The following GPHN variants were observed in gnomAD, a reference collection of about 807,000 sequenced individuals.
GPHN encodes gephyrin.
In GPHN, 17 loss-of-function variants were observed where a neutral mutation model predicts 95.5. The observed-to-expected ratio is 0.18, with a 90% confidence interval of 0.12 to 0.27. GPHN has a LOEUF of 0.27. Among genes scored for constraint, GPHN ranks in the 10% least tolerant of loss-of-function variants. GPHN has a pLI of 1.00. For missense variants in GPHN, 660 were observed against 978.1 expected (o/e 0.67, Z 4.34); for synonymous variants, 320 against 322.5 (o/e 0.99, Z 0.08).
chr14:67,246,444 A>G, the GPHN span, among the ~76,000 whole-genome samples: 4 of 152,100 alleles, frequency 2.6e-5, no homozygotes, highest in Admixed American at 6.6e-5. Context: ...TCCAGGACTC[A>G]AGCCATCCTC....
intron 1 of GPHN, among the ~76,000 whole-genome samples, chr14:66,646,222 T>C (rs1180504420): frequency 6.6e-6 from 1 of 152,110 alleles, no homozygotes; most frequent in Non-Finnish European, 1.5e-5. Context: ...CTCTAATCAT[T>C]AGGCAAATGC....
intron 11 of GPHN, among the ~76,000 whole-genome samples, chr14:67,061,809 G>A (rs1428679692): frequency 1.3e-5 from 2 of 151,890 alleles, no homozygotes; most frequent in Non-Finnish European, 2.9e-5. Flanking sequence ...ACCATGCCTG[G>A]CCCCTTTGCT....
rs1596238318 is a variant in GPHN, at chr14:66,875,107, A to G, written c.295-4832A>G. On this transcript the variant is annotated intron_variant, in intron 4 of 22. Transcript: ENST00000478722. ...AGAGAGTGGGTGGCCAATATTCAAC[A>G]TTCTTAAAGAAAAGAATTTTCAACT... Among the ~76,000 whole-genome samples, 4 of 152,206 alleles carry G rather than the reference A, an allele frequency of 2.6e-5. No individual in the cohort carries two copies. The East Asian group carries it at 7.7e-4, about 29-fold the overall frequency.
intron 21 of GPHN, among the ~76,000 whole-genome samples, chr14:67,177,288 C>T (rs1567454056): frequency 6.6e-6 from 1 of 152,184 alleles, no homozygotes; most frequent in Non-Finnish European, 1.5e-5. Flanking sequence ...TCTTTGTTCT[C>T]ATTGGTTTCA....
the GPHN span, among the ~76,000 whole-genome samples, chr14:67,327,944 C>G: frequency 6.6e-6 from 1 of 152,112 alleles, no homozygotes; most frequent in African/African-American, 2.4e-5. Context: ...AGTCAATGTA[C>G]GTGTGCATGT....
chr14:67,582,710 G>A, the GPHN span, among the ~76,000 whole-genome samples: 5 of 152,042 alleles, frequency 3.3e-5, no homozygotes, highest in Admixed American at 1.3e-4. The surrounding 1 kb of genome is among the most constrained non-coding windows in gnomAD (Gnocchi z 5.0). Context: ...GGTGGTGGGC[G>A]CCTGTAATCC....
At chr14:66,957,621 C>T (rs1334977826) in intron 8 of GPHN, among the ~76,000 whole-genome samples, 1 of 151,988 alleles carries the variant, frequency 6.6e-6, no homozygotes, top group Non-Finnish European at 1.5e-5. Context: ...ATGGTATATC[C>T]TCATGTTCAC....
At position 66,562,943 on chromosome 14, in the gene GPHN, T is replaced by C. The variant is rs543351305; in HGVS notation, c.64+54352T>C. ...TGACGTTAGCTCAAAATAATCCTTA[T>C]GCGAAAGTGGCGTATTTTGGGGTGG... On this transcript the variant is annotated intron_variant, in intron 1 of 22. Coordinates refer to ENST00000478722, the MANE Select transcript of GPHN (RefSeq NM_020806.5). Among the ~76,000 whole-genome samples the C allele has an allele frequency of 3.3e-5, 5 of 152,132 alleles. No homozygotes were observed. The South Asian group carries it at 1.0e-3, about 32-fold the overall frequency.
the GPHN span, among the ~76,000 whole-genome samples, chr14:67,435,427 T>C: frequency 6.6e-6 from 1 of 152,130 alleles, no homozygotes; most frequent in African/African-American, 2.4e-5. Context: ...ACATTGGGGA[T>C]TAAGTTTCAA....
Position 66,812,668 on chromosome 14 carries a change from T to G in GPHN, c.202-11806T>G, listed in dbSNP as rs181286082. On this transcript the variant is annotated intron_variant, in intron 3 of 22. Transcript: ENST00000478722. Reference sequence around the variant, plus strand: ...TGTTTTCAGGGTATCTTCTTTAAATTTAAGACCCCACCTGAGCCAGTGAAA... The same window carrying G: ...TGTTTTCAGGGTATCTTCTTTAAATGTAAGACCCCACCTGAGCCAGTGAAA... Among the ~76,000 whole-genome samples, 30 of 152,344 alleles carry G rather than the reference T, an allele frequency of 2.0e-4. No homozygotes were observed. The East Asian group carries it at 5.6e-3, about 28-fold the overall frequency.
chr14:67,569,009 T>C, the GPHN span: 27 of 606,370 alleles, frequency 4.5e-5, no homozygotes, highest in Non-Finnish European at 6.7e-5. Context: ...TTGCCCAAGA[T>C]TTGTTAGCCA....
At chr14:67,257,613 T>A in the GPHN span, among the ~76,000 whole-genome samples, 1 of 151,786 alleles carries the variant, frequency 6.6e-6, no homozygotes, top group Non-Finnish European at 1.5e-5. Context: ...AAAAAAGAAA[T>A]GGCATGTATG....
the GPHN span, among the ~76,000 whole-genome samples, chr14:67,398,421 C>T: frequency 6.6e-6 from 1 of 152,172 alleles, no homozygotes; most frequent in African/African-American, 2.4e-5. Flanking sequence ...CCATGTTCAC[C>T]TGACTATTCT....
chr14:67,436,471 C>T, the GPHN span, among the ~76,000 whole-genome samples: 1 of 152,196 alleles, frequency 6.6e-6, no homozygotes, highest in Non-Finnish European at 1.5e-5. Context: ...ACAGCTGCCC[C>T]CTCTAGGTGG....
chr14:66,840,736 C>CAAAAAAA (rs553788734), intron 4 of GPHN, among the ~76,000 whole-genome samples: 1 of 81,164 alleles, frequency 1.2e-5, no homozygotes, highest in Non-Finnish European at 3.2e-5. Context: ...GCAGGCCATA[C>CAAAAAAA]AAAAAAAAAA....
chr14:67,367,588 T>G, the GPHN span, among the ~76,000 whole-genome samples: 1 of 152,242 alleles, frequency 6.6e-6, no homozygotes, highest in Non-Finnish European at 1.5e-5. Context: ...ATAAATACGG[T>G]GCATGGAATG....
the GPHN span, among the ~76,000 whole-genome samples, chr14:67,250,914 CCTCGCTGTGT>C: frequency 6.6e-6 from 1 of 152,226 alleles, no homozygotes; most frequent in Admixed American, 6.5e-5. Flanking sequence ...GAATTGTATC[CCTCGCTGTGT>C]CTCTTAATGT....
At chr14:66,927,827 T>G (rs1163527733) in intron 8 of GPHN, among the ~76,000 whole-genome samples, 1 of 152,232 alleles carries the variant, frequency 6.6e-6, no homozygotes, top group Non-Finnish European at 1.5e-5. Context: ...TCTGTAGATA[T>G]GATGTATCAC....
chr14:67,199,283 A>C, the GPHN span: 1 of 1,594,572 alleles, frequency 6.3e-7, no homozygotes. Context: ...TAAGATCATG[A>C]ACATGATCAG....
Sources: allele counts gnomAD v4.1 joint callset (sites outside exome capture counted in the v4.1 genomes callset), GRCh38; gene constraint gnomAD v4.1.1; non-coding constraint Gnocchi (gnomAD v3.1); transcripts MANE v1.5; gene names NCBI Gene and HGNC (gene_info 2026-07-23, HGNC 2026-07-21).